The following ALK variants were observed in gnomAD, a reference collection of about 807,000 sequenced individuals.
ALK encodes the protein ALK receptor tyrosine kinase.
Under a neutral mutation model 163.1 loss-of-function variants are expected in ALK, and 74 were observed. That is an observed-to-expected ratio of 0.45 (90% CI 0.38 to 0.55). The LOEUF is 0.55. Among genes scored for constraint, ALK ranks in the 20% least tolerant of loss-of-function variants. The probability of loss-of-function intolerance (pLI) is 0.00; values close to 1 mark genes in which losing one functional copy is unlikely to be tolerated. For synonymous variants in ALK, 960 were observed against 843.2 expected (o/e 1.14, Z -2.40); for missense variants, 2,063 against 2,105.3 (o/e 0.98, Z 0.39).
chr2:29,557,260 G>T (rs1297603275), intron 3 of ALK, among the ~76,000 whole-genome samples: 1 of 152,186 alleles, frequency 6.6e-6, no homozygotes, highest in African/African-American at 2.4e-5. Flanking sequence ...GCAGCCTGGA[G>T]CAGATAATCA....
chr2:29,700,207 C>T (rs771112823), intron 2 of ALK, among the ~76,000 whole-genome samples: 1 of 152,288 alleles, frequency 6.6e-6, no homozygotes, highest in East Asian at 1.9e-4. Flanking sequence ...GGTGAATGTA[C>T]ATCACACTCA....
intron 9 of ALK, among the ~76,000 whole-genome samples, chr2:29,284,678 G>A (rs994768374): frequency 3.9e-5 from 6 of 152,140 alleles, no homozygotes; most frequent in Non-Finnish European, 5.9e-5. Flanking sequence ...TGTCCCAAAC[G>A]TCACAGTAAA....
chr2:29,468,727 GC>G (rs149808639), intron 4 of ALK, among the ~76,000 whole-genome samples: 39,140 of 151,146 alleles, frequency 0.26, 5,882 homozygotes, highest in Non-Finnish European at 0.34. Context: ...GGCAGCATGT[GC>G]CTGTGGTCCC....
At chr2:29,791,347 G>A (rs1043919049) in intron 1 of ALK, among the ~76,000 whole-genome samples, 2 of 152,114 alleles carry the variant, frequency 1.3e-5, no homozygotes, top group African/African-American at 4.8e-5. Flanking sequence ...GGATGAAGCT[G>A]GAAACCATCA....
At chr2:29,377,332 A>G (rs775077364) in intron 5 of ALK, among the ~76,000 whole-genome samples, 34 of 152,136 alleles carry the variant, frequency 2.2e-4, no homozygotes, top group Middle Eastern at 3.4e-3. Context: ...AAAATTAGCC[A>G]GGCGTGGTGG....
chr2:29,668,679 G>A (rs1161396529), intron 3 of ALK, among the ~76,000 whole-genome samples: 1 of 152,042 alleles, frequency 6.6e-6, no homozygotes, highest in African/African-American at 2.4e-5. Flanking sequence ...GATCTATTCT[G>A]GAGAATATTC....
intron 3 of ALK, among the ~76,000 whole-genome samples, chr2:29,573,456 G>A (rs1674435274): frequency 6.6e-6 from 1 of 152,128 alleles, no homozygotes; most frequent in African/African-American, 2.4e-5. Flanking sequence ...TTGTAAATGG[G>A]TTTAAAAGCA....
At chr2:29,496,967 C>A (rs191175874) in intron 4 of ALK, among the ~76,000 whole-genome samples, 68 of 152,328 alleles carry the variant, frequency 4.5e-4, no homozygotes, top group African/African-American at 1.5e-3. Flanking sequence ...ACTATAGATT[C>A]ACCATCTTAA....
chr2:29,732,203 C>T (rs1679764110), intron 1 of ALK, among the ~76,000 whole-genome samples: 1 of 152,168 alleles, frequency 6.6e-6, no homozygotes, highest in Non-Finnish European at 1.5e-5. Flanking sequence ...CTTATCTCAG[C>T]AAAATGACAA....
At chr2:29,613,448 C>T (rs944313879) in intron 3 of ALK, among the ~76,000 whole-genome samples, 2 of 152,194 alleles carry the variant, frequency 1.3e-5, no homozygotes, top group African/African-American at 2.4e-5. Flanking sequence ...GTTGACTCTT[C>T]CTTCCAAGGC....
intron 14 of ALK, 48 bp from the exon 15 acceptor site, chr2:29,232,496 C>T: frequency 6.2e-7 from 1 of 1,612,264 alleles, no homozygotes; most frequent in Non-Finnish European, 8.5e-7. Context: ...CTGTGCTTCC[C>T]CCTGGAGCCC....
intron 3 of ALK, among the ~76,000 whole-genome samples, chr2:29,547,465 C>T (rs1018388409): frequency 2.0e-5 from 3 of 152,076 alleles, no homozygotes; most frequent in South Asian, 2.1e-4. Flanking sequence ...GGCATGGTGG[C>T]GTGCGCCTGT....
chr2:29,288,960 AAATAAATAAAT>A (rs1665939506), intron 9 of ALK, among the ~76,000 whole-genome samples: 1 of 12,578 alleles, frequency 8.0e-5, no homozygotes, highest in Admixed American at 1.4e-3. Context: ...TCAAAAAAAT[AAATAAATAAAT>A]AAATAAATAA....
intron 4 of ALK, among the ~76,000 whole-genome samples, chr2:29,453,856 G>C (rs189517417): frequency 6.6e-5 from 10 of 152,096 alleles, no homozygotes; most frequent in Admixed American, 2.0e-4. Context: ...CAGAGAAAAG[G>C]CTCACTCACA....
rs749807424 is a variant in ALK at position 29,222,424 on chromosome 2, G to C, written c.3451-16C>G. On this transcript the variant is annotated splice_polypyrimidine_tract_variant and intron_variant, in intron 21 of 28. Coordinates refer to ENST00000389048, the MANE Select transcript of ALK (RefSeq NM_004304.5). Reference sequence around the variant, plus strand: ...CAGGCAGCGTCTGGGCAGAGAAGGGGAGGGTGGGGAGGAGGAGGAGGCTGT... The same window carrying C: ...CAGGCAGCGTCTGGGCAGAGAAGGGCAGGGTGGGGAGGAGGAGGAGGCTGT... 23 of 1,613,926 alleles carry C rather than the reference G, an allele frequency of 1.4e-5. No homozygotes were observed. Among genetic ancestry groups the C allele is most frequent in the Admixed American group, 8.3e-5 (5 of 59,998 alleles).
chr2:29,489,158 T>C (rs1410752199), intron 4 of ALK, among the ~76,000 whole-genome samples: 7 of 152,214 alleles, frequency 4.6e-5, no homozygotes, highest in Non-Finnish European at 1.5e-5. Flanking sequence ...AGCCTATGCA[T>C]TTCTTAAAAC....
chr2:29,575,991 C>T (rs1337876537), intron 3 of ALK, among the ~76,000 whole-genome samples: 1 of 152,128 alleles, frequency 6.6e-6, no homozygotes, highest in African/African-American at 2.4e-5. Context: ...CTGAGCCTCC[C>T]AGTTAAGATG....
chr2:29,821,702 G>T (rs1665052536), intron 1 of ALK, among the ~76,000 whole-genome samples: 1 of 152,168 alleles, frequency 6.6e-6, no homozygotes, highest in Admixed American at 6.5e-5. Flanking sequence ...TTAAGAGGAA[G>T]ACCTCTGGAA....
chr2:29,700,983 T>C (rs1385847376), intron 2 of ALK, among the ~76,000 whole-genome samples: 2 of 152,200 alleles, frequency 1.3e-5, no homozygotes. Context: ...AAGCCCAGCA[T>C]TGGTTACTCA....
Sources: gnomAD v4.1 joint callset for allele counts (sites outside exome capture counted in the v4.1 genomes callset) on GRCh38, gnomAD v4.1.1 for gene constraint, MANE v1.5 for transcripts, NCBI Gene and HGNC (gene_info 2026-07-23, HGNC 2026-07-21) for gene names.